The following TP53BP2 variants were observed in gnomAD, a reference collection of about 807,000 sequenced individuals.
The protein encoded by TP53BP2 is tumor protein p53 binding protein 2, also known as apoptosis-stimulating of p53 protein 2.
A neutral mutation model predicts 126.2 loss-of-function variants in TP53BP2; 62 were observed. The observed-to-expected ratio is 0.49, with a 90% confidence interval of 0.40 to 0.61. The LOEUF is 0.61. Ranked by LOEUF, TP53BP2 falls within the 20% of genes least tolerant of loss-of-function variation. The pLI, the probability that TP53BP2 is intolerant of heterozygous loss-of-function variation, is 0.00. For missense variants in TP53BP2, 1,215 were observed against 1,402.8 expected, an observed-to-expected ratio of 0.87 and a Z score of 2.14; for synonymous variants, 485 against 502.9, an observed-to-expected ratio of 0.96 and a Z score of 0.48.
chr1:223,794,661 T>A (rs1003581985), intron 13 of TP53BP2, among the ~76,000 whole-genome samples: 8 of 152,208 alleles, frequency 5.3e-5, no homozygotes, highest in African/African-American at 1.9e-4. Flanking sequence ...GTGGATTGGT[T>A]TTGGCCAATG....
rs201293090 is a variant in TP53BP2, at chr1:223,818,513, A to G, written c.175+2707T>C. On this transcript the variant is annotated intron_variant, in intron 2 of 17. Coordinates refer to ENST00000343537, the MANE Select transcript of TP53BP2 (RefSeq NM_001031685.3). Reference sequence around the variant, plus strand: ...GCAAGACTCCATCTCAAAAAAAAAAAAAAAGAAAAGAAAAGAAAAAGAAAA... The same window carrying G: ...GCAAGACTCCATCTCAAAAAAAAAAGAAAAGAAAAGAAAAGAAAAAGAAAA... 4.4e-3 allele frequency among the ~76,000 whole-genome samples: 665 copies of G among 151,574 alleles called. 29 individuals carry two copies. The East Asian group carries it at 0.1, about 23-fold the overall frequency.
rs1208523673 is a variant in TP53BP2, at chr1:223,792,474, T to C, written c.2911A>G (p.Asn971Asp). 1 of 1,613,958 alleles carries C rather than the reference T, an allele frequency of 6.2e-7. No homozygotes were observed. The highest frequency in any genetic ancestry group is 1.3e-5 in the African/African-American group (1 of 74,916). Residue 971 changes from asparagine to aspartate, a missense_variant, in exon 15 of 18, where the codon AAT becomes GAT. Asn to Asp is a conservative substitution (Grantham distance 23). Transcript: ENST00000343537. Reference protein sequence around the residue: ...PNDEGITALHNAVCAGHTEIV... With the variant: ...PNDEGITALHDAVCAGHTEIV... ...TCTGTGTGGCCTGCACACACAGCAT[T>C]GTGAAGAGCCGTGATGCCTTCATCA...
Position 223,810,448 on chromosome 1 carries a change from G to C in TP53BP2, c.355C>G (p.Arg119Gly). 1 of 1,609,480 alleles carries C rather than the reference G, an allele frequency of 6.2e-7. No homozygotes were observed. The highest frequency in any genetic ancestry group is 8.5e-7 in the Non-Finnish European group (1 of 1,177,646). Residue 119 changes from arginine to glycine, a missense_variant, in exon 4 of 18, where the codon CGA (arginine) becomes GGA (glycine). This residue lies in a region of TP53BP2 where 814 missense variants were observed against 853.0 expected (regional missense o/e 0.95). Transcript: ENST00000343537. Reference sequence around the variant, plus strand: ...CAACTTACACCGTTCTCCTTTCTTCGATATTCACCAGGAACTTTTACACCA... The same window carrying C: ...CAACTTACACCGTTCTCCTTTCTTCCATATTCACCAGGAACTTTTACACCA... ...RNGVKVPGEYRRKENGVNSPR... is the reference protein window; with the variant it reads ...RNGVKVPGEYGRKENGVNSPR...
chr1:223,793,524 C>T, intron 13 of TP53BP2, 84 bp from the exon 14 acceptor site: 1 of 1,344,292 alleles, frequency 7.4e-7, no homozygotes, highest in Non-Finnish European at 9.8e-7. Flanking sequence ...TGACTTCTCA[C>T]CTAAATTAGT....
chr1:223,815,503 A>C (rs980978128), intron 2 of TP53BP2, among the ~76,000 whole-genome samples: 3 of 152,204 alleles, frequency 2.0e-5, no homozygotes, highest in African/African-American at 7.2e-5. Flanking sequence ...AAACAAGTAA[A>C]ATCTCCAGGT....
chr1:223,787,338 A>C (rs1366124422), intron 16 of TP53BP2, among the ~76,000 whole-genome samples: 2 of 152,108 alleles, frequency 1.3e-5, no homozygotes, highest in Non-Finnish European at 2.9e-5. Flanking sequence ...CCTAAGTAAC[A>C]GAGCAAGATT....
chr1:223,835,145 A>G (rs750829638), intron 1 of TP53BP2, among the ~76,000 whole-genome samples: 6 of 152,254 alleles, frequency 3.9e-5, no homozygotes, highest in Non-Finnish European at 7.3e-5. Context: ...GAGGATGTTC[A>G]CATCCTGAAG....
chr1:223,782,519 G>T (rs1661808676), intron 17 of TP53BP2, among the ~76,000 whole-genome samples: 1 of 152,122 alleles, frequency 6.6e-6, no homozygotes, highest in Non-Finnish European at 1.5e-5. Flanking sequence ...TTAAGACAGG[G>T]TCACCGAGGC....
intron 17 of TP53BP2, among the ~76,000 whole-genome samples, chr1:223,782,870 CTTA>C (rs932800035): frequency 1.3e-5 from 2 of 152,114 alleles, no homozygotes; most frequent in African/African-American, 4.8e-5. Flanking sequence ...CTATTCAAAA[CTTA>C]TTATGAAATG....
In TP53BP2 at chr1:223,792,408, C is replaced by G; in HGVS notation, c.2977G>C (p.Ala993Pro). 1 of 1,611,646 alleles carries G rather than the reference C, an allele frequency of 6.2e-7. No homozygotes were observed. Among genetic ancestry groups the G allele is most frequent in the Non-Finnish European group, 8.5e-7 (1 of 1,178,852 alleles). The change falls in exon 15 of 18, where the codon GCT (alanine) becomes CCT (proline). Residue 993 changes from alanine (A) to proline (P), a missense_variant. Transcript: ENST00000343537. ...FLVQFGVNVN[A>P]ADSDGWTPLH... The stretch of plus-strand genomic sequence containing the variant: ...TCTTACCATCCATCACTATCAGCAG[C>G]ATTTACATTTACACCAAACTGTACC...
rs1662421812 is a variant in TP53BP2 at position 223,798,648 on chromosome 1, T to C, written c.1515A>G (p.Pro505=). Residue 505 remains proline, a synonymous_variant, in exon 12 of 18, where the codon CCA becomes CCG. Transcript: ENST00000343537. ...GTTTTGGTTTTGTAGGAACAGGAGG[T>C]GGTACTTTAGCCACATTTTTATTTG... ...QVANKNVAKV[P]PPVPTKPKQI... is the part of the protein sequence containing the mutation. 6 of 1,610,840 alleles carry C rather than the reference T, an allele frequency of 3.7e-6. No homozygotes were observed. The highest frequency in any genetic ancestry group is 5.1e-6 in the Non-Finnish European group (6 of 1,178,346).
rs772457136 is a variant in TP53BP2 at position 223,800,655 on chromosome 1, G to A, written c.1336+45C>T. ...CTAAAAGAATACACAGCACCTTTCA[G>A]ATGACCAAAATTTAATGTTCAAGAG... On this transcript the variant is annotated intron_variant, in intron 10 of 17. Coordinates refer to ENST00000343537, the MANE Select transcript of TP53BP2 (RefSeq NM_001031685.3). 10 of 1,457,712 alleles carry A rather than the reference G, an allele frequency of 6.9e-6. No homozygotes were observed. In the Admixed American group the frequency reaches 2.2e-4, roughly 32 times the overall value. 90.3% of individuals were successfully genotyped at this position (1,457,712 alleles called of 1,614,324 possible).
Position 223,798,221 on chromosome 1 carries a change from A to C in TP53BP2, c.1942T>G (p.Ser648Ala). The C allele has an allele frequency of 6.2e-7, 1 of 1,611,760 alleles. No individual in the cohort carries two copies. The highest frequency in any genetic ancestry group is 1.1e-5 in the South Asian group (1 of 90,952). Residue 648 changes from serine to alanine, a missense_variant, in exon 12 of 18, where the codon TCA becomes GCA. By Grantham distance (99) the Ser-to-Ala change is moderately conservative (BLOSUM62 1). Coordinates refer to ENST00000343537, the MANE Select transcript of TP53BP2 (RefSeq NM_001031685.3). ...TGAACGTTAAGAACCTTACCACTTG[A>C]AAAGTGTGGCCCTCTGGTATGAGTC... is the stretch of plus-strand genomic sequence containing the variant. The part of the protein sequence containing the change: ...TKTHTRGPHF[S>A]SVYGKPVIAA...
chr1:223,794,699 G>A (rs1326696251), intron 13 of TP53BP2, among the ~76,000 whole-genome samples: 1 of 152,174 alleles, frequency 6.6e-6, no homozygotes, highest in Non-Finnish European at 1.5e-5. Context: ...CTTTTCTTAT[G>A]TTTAAAACTC....
chr1:223,800,800 G>A lies in TP53BP2; in HGVS notation c.1236C>T (p.Ile412=), dbSNP rs369989893. ...GAASQTKGSK[I]HPVGPDWSPS... Reference sequence around the variant, plus strand: ...GACTCCAATCAGGGCCAACTGGATGGATTTTAGAGCCTAAAATACAGAAAA... The same window carrying A: ...GACTCCAATCAGGGCCAACTGGATGAATTTTAGAGCCTAAAATACAGAAAA... The change falls in exon 10 of 18, where the codon ATC becomes ATT. Residue 412 remains isoleucine, a synonymous_variant. Transcript: ENST00000343537. The A allele has an allele frequency of 5.6e-5, 90 of 1,601,766 alleles. No individual in the cohort carries two copies. The highest frequency in any genetic ancestry group is 7.3e-5 in the Non-Finnish European group (86 of 1,176,464).
Position 223,845,773 on chromosome 1 carries a change from G to A in TP53BP2, c.-93C>T, listed in dbSNP as rs1405226023. ...AGGGGAGCGGAGAGCGAGGCCGCCC[G>A]GACCTGTTGCGAGGCGGCGGCGGCG... On this transcript the variant is annotated 5_prime_UTR_variant, in exon 1 of 18. Coordinates refer to ENST00000343537, the MANE Select transcript of TP53BP2 (RefSeq NM_001031685.3). 17 of 1,244,412 alleles carry A rather than the reference G, an allele frequency of 1.4e-5. No individual in the cohort carries two copies. The highest frequency in any genetic ancestry group is 1.2e-4 in the Admixed American group (3 of 24,406). 77.1% of individuals were successfully genotyped at this position (1,244,412 alleles called of 1,614,324 possible).
chr1:223,831,481 ATATATATAT>A (rs1213180865), intron 1 of TP53BP2, among the ~76,000 whole-genome samples: 1,977 of 35,460 alleles, frequency 0.056, 129 homozygotes, highest in East Asian at 0.12. Context: ...AAAAAAAAAA[ATATATATAT>A]ATATATATAT....
intron 16 of TP53BP2, among the ~76,000 whole-genome samples, chr1:223,785,254 T>C (rs1420657525): frequency 6.6e-6 from 1 of 152,252 alleles, no homozygotes. Context: ...CACTACACTA[T>C]TGATTATGAA....
At position 223,838,335 on chromosome 1, in the gene TP53BP2, CAATT is replaced by C. The variant is rs536508573; in HGVS notation, c.27+7315_27+7318del. Among the ~76,000 whole-genome samples the C allele has an allele frequency of 4.6e-5, 7 of 152,228 alleles. No homozygotes were observed. The East Asian group carries it at 1.4e-3, about 29-fold the overall frequency. On this transcript the variant is annotated intron_variant, in intron 1 of 17. Transcript: ENST00000343537. ...TTATCCCCAAAAGGCCATCCAAAAA[CAATT>C]AAATGGTTAATGAGGGAGAATGAAA...
Sources: allele counts gnomAD v4.1 joint callset (sites outside exome capture counted in the v4.1 genomes callset), GRCh38; gene constraint gnomAD v4.1.1; regional missense constraint gnomAD v4.1.1; transcripts MANE v1.5; gene names NCBI Gene and HGNC (gene_info 2026-07-23, HGNC 2026-07-21).